The following CPNE5 variants were observed in gnomAD, a reference collection of about 807,000 sequenced individuals.
The protein encoded by CPNE5 is copine-5.
CPNE5 carries 42 observed loss-of-function variants against 81.1 expected under a neutral mutation model. The observed-to-expected ratio is 0.52, with a 90% CI of 0.40 to 0.67. The LOEUF is 0.67. Ranked by LOEUF, CPNE5 falls within the 30% of genes least tolerant of loss-of-function variation. The probability of loss-of-function intolerance (pLI) is 0.00; values close to 1 mark genes in which losing one functional copy is unlikely to be tolerated. For synonymous variants in CPNE5, 313 were observed against 321.5 expected, an observed-to-expected ratio of 0.97 and a Z score of 0.28; for missense variants, 612 against 815.5, an observed-to-expected ratio of 0.75 and a Z score of 3.04.
At chr6:36,831,638 CAAAA>C (rs35409136) in intron 1 of CPNE5, among the ~76,000 whole-genome samples, 2 of 83,940 alleles carry the variant, frequency 2.4e-5, no homozygotes, top group Middle Eastern at 7.8e-3. Context: ...GACACCATCT[CAAAA>C]AAAAAAAAAA....
At chr6:36,816,755 C>T (rs1218600541) in intron 3 of CPNE5, among the ~76,000 whole-genome samples, 1 of 152,196 alleles carries the variant, frequency 6.6e-6, no homozygotes, top group East Asian at 1.9e-4. Context: ...CAAGGAATTA[C>T]AGCCCCTCTC....
At chr6:36,833,436 G>A (rs1486129018) in intron 1 of CPNE5, among the ~76,000 whole-genome samples, 4 of 152,166 alleles carry the variant, frequency 2.6e-5, no homozygotes, top group Admixed American at 6.5e-5. Context: ...TCACTCATGC[G>A]ATTGGGTTAT....
intron 10 of CPNE5, among the ~76,000 whole-genome samples, chr6:36,773,087 T>C (rs1472339443): frequency 6.6e-6 from 1 of 152,200 alleles, no homozygotes; most frequent in Non-Finnish European, 1.5e-5. Context: ...TCTCACTATG[T>C]TACGCGGGCT....
chr6:36,749,974 C>G (rs573415657), intron 14 of CPNE5, among the ~76,000 whole-genome samples: 8 of 152,208 alleles, frequency 5.3e-5, no homozygotes, highest in Non-Finnish European at 1.2e-4. Flanking sequence ...GGTTCTCACA[C>G]GGCAGTGAGC....
chr6:36,753,011 A>C, intron 14 of CPNE5, 23 bp downstream of exon 14: 1 of 1,597,310 alleles, frequency 6.3e-7, no homozygotes, highest in Non-Finnish European at 8.6e-7. Context: ...AAGGCCCATG[A>C]AATTGGCTGT....
intron 3 of CPNE5, among the ~76,000 whole-genome samples, chr6:36,820,335 CTTTTTTTTTTTTT>C (rs1163633243): frequency 0.052 from 4,772 of 92,558 alleles, 213 homozygotes; most frequent in African/African-American, 0.13. Context: ...CTAATCCATT[CTTTTTTTTTTTTT>C]TTTTTTTTTT....
At chr6:36,756,532 G>A (rs1358743276) in intron 12 of CPNE5, among the ~76,000 whole-genome samples, 2 of 152,140 alleles carry the variant, frequency 1.3e-5, no homozygotes, top group African/African-American at 4.8e-5. Flanking sequence ...GATCAACCGG[G>A]AATATTTATT....
chr6:36,819,353 G>A (rs1232989451), intron 3 of CPNE5, among the ~76,000 whole-genome samples: 2 of 152,228 alleles, frequency 1.3e-5, no homozygotes, highest in East Asian at 1.9e-4. Flanking sequence ...GCCTGCCTCT[G>A]CCTCCCACAG....
intron 3 of CPNE5, among the ~76,000 whole-genome samples, chr6:36,817,551 C>T (rs1430453896): frequency 5.3e-5 from 8 of 152,194 alleles, no homozygotes; most frequent in African/African-American, 1.9e-4. Context: ...TGTATTGACT[C>T]TTCCTGTATC....
upstream of CPNE5, chr6:36,839,504 G>T: frequency 1.4e-6 from 1 of 714,352 alleles, no homozygotes; most frequent in Non-Finnish European, 2.2e-6. The surrounding 1 kb of genome is among the most constrained non-coding windows in gnomAD (Gnocchi z 7.3). Context: ...GGAGGAGAGA[G>T]GAGCGCGAAG....
rs1763797763 is a variant in CPNE5 at position 36,743,760 on chromosome 6, T to C, written c.1492A>G (p.Met498Val). 1.9e-6 allele frequency: 3 copies of C among 1,611,638 alleles called. No homozygotes were observed. Among genetic ancestry groups the C allele is most frequent in the Non-Finnish European group, 2.5e-6 (3 of 1,179,862 alleles). The change falls in exon 20 of 21, where the codon ATG becomes GTG. Residue 498 changes from methionine (M) to valine (V), a missense_variant and splice_region_variant. Transcript: ENST00000244751. Reference sequence around the variant, plus strand: ...ACGTCGTCGCCATCCAGCTCCACCATGGCTGTGAGGGGAGGAGTGTCATGG... The same window carrying C: ...ACGTCGTCGCCATCCAGCTCCACCACGGCTGTGAGGGGAGGAGTGTCATGG... ...VGVGQAEFDA[M>V]VELDGDDVRI... is the part of the protein sequence containing the mutation.
chr6:36,794,457 G>A, intron 7 of CPNE5, 133 bp downstream of exon 7: 1 of 804,158 alleles, frequency 1.2e-6, no homozygotes, highest in South Asian at 1.7e-5. Context: ...GAGGAACCCA[G>A]GACTCTCTGT....
rs1440011055 is a variant in CPNE5, at chr6:36,839,423, T to C, written c.-46A>G. On this transcript the variant is annotated 5_prime_UTR_variant, in exon 1 of 21. Transcript: ENST00000244751. The surrounding 1 kb of genome is among the most constrained non-coding windows in gnomAD (Gnocchi z 7.3). ...CCAAATTAGTCAATCCCTGCGCGAT[T>C]CACGCCTCCTCCGGAGCGACTGGAG... The C allele has an allele frequency of 1.3e-5, 19 of 1,467,730 alleles. No homozygotes were observed. Among genetic ancestry groups the C allele is most frequent in the Non-Finnish European group, 1.6e-5 (17 of 1,083,148 alleles). 90.9% of individuals were successfully genotyped at this position (1,467,730 alleles called of 1,614,324 possible).
intron 3 of CPNE5, among the ~76,000 whole-genome samples, chr6:36,808,697 T>C (rs1284944229): frequency 6.6e-6 from 1 of 152,194 alleles, no homozygotes; most frequent in Non-Finnish European, 1.5e-5. Context: ...GAGTGTCTGT[T>C]GCAGAGCTGG....
chr6:36,803,500 A>G (rs1770315452), intron 3 of CPNE5, among the ~76,000 whole-genome samples: 1 of 152,200 alleles, frequency 6.6e-6, no homozygotes, highest in Non-Finnish European at 1.5e-5. Context: ...CTAACACAGC[A>G]TTTAATACAC....
At chr6:36,794,015 T>C (rs147279626) in intron 7 of CPNE5, among the ~76,000 whole-genome samples, 100 of 152,044 alleles carry the variant, frequency 6.6e-4, no homozygotes, top group Middle Eastern at 3.4e-3. Context: ...CACATTTGCA[T>C]GAGGCCAGCC....
chr6:36,794,449 G>A (rs1045461924), intron 7 of CPNE5, 141 bp downstream of exon 7: 1 of 739,704 alleles, frequency 1.4e-6, no homozygotes, highest in Non-Finnish European at 2.3e-6. Flanking sequence ...TGCCTAAGGA[G>A]GAACCCAGGA....
chr6:36,754,928 T>C (rs1014479858), intron 13 of CPNE5: 1 of 152,226 alleles, frequency 6.6e-6, no homozygotes, highest in East Asian at 1.9e-4. Context: ...AGAATTTTCC[T>C]GCCCAAATGC....
chr6:36,776,546 G>A (rs2150456982), intron 9 of CPNE5, among the ~76,000 whole-genome samples: 1 of 152,238 alleles, frequency 6.6e-6, no homozygotes, highest in Middle Eastern at 3.4e-3. Flanking sequence ...GAGCTGGAGG[G>A]ACAACAAGGA....
Sources: allele counts gnomAD v4.1 joint callset (sites outside exome capture counted in the v4.1 genomes callset), GRCh38; gene constraint gnomAD v4.1.1; non-coding constraint Gnocchi (gnomAD v3.1); transcripts MANE v1.5; gene names NCBI Gene and HGNC (gene_info 2026-07-23, HGNC 2026-07-21).